CBFA2T3: variants seen among roughly 807,000 people sequenced by gnomAD.
CBFA2T3 encodes the protein transcriptional corepressor CBFA2T3.
A neutral mutation model predicts 58.6 loss-of-function variants in CBFA2T3; 31 were observed. That is an observed-to-expected ratio of 0.53 (90% CI 0.40 to 0.71). CBFA2T3 has a LOEUF of 0.71. Ranked by LOEUF, CBFA2T3 falls within the 30% of genes least tolerant of loss-of-function variation. The pLI is 0.00. For synonymous variants in CBFA2T3, 531 were observed against 421.9 expected (o/e 1.26, Z -3.17); for missense variants, 1,076 against 963.1 (o/e 1.12, Z -1.55).
At chr16:88,923,289 G>A (rs568880792) in intron 1 of CBFA2T3, among the ~76,000 whole-genome samples, 40 of 152,302 alleles carry the variant, frequency 2.6e-4, no homozygotes, top group African/African-American at 8.7e-4. Flanking sequence ...CCTCCTCATC[G>A]CACAGAGGAG....
At chr16:88,973,400 G>A (rs1380529857) in intron 1 of CBFA2T3, among the ~76,000 whole-genome samples, 1 of 152,190 alleles carries the variant, frequency 6.6e-6, no homozygotes, top group African/African-American at 2.4e-5. Flanking sequence ...GAGGAGCACG[G>A]CCATCTGACG....
chr16:88,909,667 C>G (rs1334966708), intron 1 of CBFA2T3, among the ~76,000 whole-genome samples: 1 of 152,110 alleles, frequency 6.6e-6, no homozygotes, highest in Non-Finnish European at 1.5e-5. Flanking sequence ...CTGGGAAAGG[C>G]ACAGATGTGC....
At chr16:88,905,937 C>T (rs1597706033) in intron 1 of CBFA2T3, among the ~76,000 whole-genome samples, 2 of 150,898 alleles carry the variant, frequency 1.3e-5, no homozygotes, top group African/African-American at 5.0e-5. Context: ...AGGGAGGCAC[C>T]GTGGGTCCAC....
At chr16:88,888,061 T>C (rs1969453667) in intron 5 of CBFA2T3, among the ~76,000 whole-genome samples, 1 of 152,086 alleles carries the variant, frequency 6.6e-6, no homozygotes, top group African/African-American at 2.4e-5. Flanking sequence ...CTGTGGAGCC[T>C]CTGGCCGAGA....
At chr16:88,911,498 G>T (rs941271556) in intron 1 of CBFA2T3, among the ~76,000 whole-genome samples, 4 of 152,218 alleles carry the variant, frequency 2.6e-5, no homozygotes, top group African/African-American at 7.2e-5. Context: ...CATCTCTGGC[G>T]ATCTGAAGGA....
chr16:88,951,344 CTTTG>C (rs1207025106), intron 1 of CBFA2T3: 3 of 457,352 alleles, frequency 6.6e-6, no homozygotes, highest in East Asian at 6.9e-5. Flanking sequence ...CCATCCCTCC[CTTTG>C]TTTGTTGAGT....
At position 88,917,703 on chromosome 16, in the gene CBFA2T3, T is replaced by C. The variant is rs140876656; in HGVS notation, c.152-16047A>G. ...TCTGGCGGCTCATGGTGCCCCTGCGTCAAGTCAAGAATGTTTTCCCTGAAG... is the reference window on the plus strand; with the variant it reads ...TCTGGCGGCTCATGGTGCCCCTGCGCCAAGTCAAGAATGTTTTCCCTGAAG... On this transcript the variant is annotated intron_variant, in intron 1 of 11. Transcript: ENST00000268679. Among the ~76,000 whole-genome samples the C allele has an allele frequency of 1.1e-4, 16 of 152,260 alleles. No homozygotes were observed. In the East Asian group the frequency reaches 3.1e-3, roughly 29 times the overall value.
intron 1 of CBFA2T3, among the ~76,000 whole-genome samples, chr16:88,961,365 G>A (rs1176847679): frequency 1.3e-5 from 2 of 152,074 alleles, no homozygotes; most frequent in African/African-American, 4.8e-5. Context: ...TCAGCACTGG[G>A]CATTCCCACT....
chr16:88,929,590 C>T (rs8052212), intron 1 of CBFA2T3, among the ~76,000 whole-genome samples: 2,290 of 128,174 alleles, frequency 0.018, 39 homozygotes, highest in African/African-American at 0.047. Flanking sequence ...ATCTGCATCA[C>T]CCACGCAAAA....
At chr16:88,877,918 A>C (rs572470996) in intron 11 of CBFA2T3, among the ~76,000 whole-genome samples, 195 of 152,304 alleles carry the variant, frequency 1.3e-3, no homozygotes, top group Non-Finnish European at 2.3e-3. Flanking sequence ...TGGGAAGCCC[A>C]AACCTGCCCT....
intron 1 of CBFA2T3, among the ~76,000 whole-genome samples, chr16:88,949,684 A>G (rs1971997624): frequency 6.6e-6 from 1 of 152,124 alleles, no homozygotes; most frequent in Non-Finnish European, 1.5e-5. Flanking sequence ...ATAACGCTCA[A>G]CAAACTTCAT....
chr16:88,926,172 C>T (rs545697456), intron 1 of CBFA2T3, among the ~76,000 whole-genome samples: 27 of 152,348 alleles, frequency 1.8e-4, no homozygotes, highest in Admixed American at 3.9e-4. Flanking sequence ...AGAGCAGAGC[C>T]GCAGCCGGGG....
intron 1 of CBFA2T3, chr16:88,939,478 T>G (rs1323692340): frequency 1.3e-5 from 2 of 152,334 alleles, no homozygotes; most frequent in African/African-American, 4.8e-5. Context: ...CCTCCTGCTC[T>G]GGGCGCTTCT....
intron 1 of CBFA2T3, among the ~76,000 whole-genome samples, chr16:88,908,421 T>G (rs1970410995): frequency 6.6e-6 from 1 of 151,974 alleles, no homozygotes; most frequent in African/African-American, 2.4e-5. Flanking sequence ...AGAGGCCGTT[T>G]CTTTCCCAGA....
intron 1 of CBFA2T3, among the ~76,000 whole-genome samples, chr16:88,906,900 G>A (rs1226310227): frequency 2.6e-5 from 4 of 152,204 alleles, no homozygotes; most frequent in Non-Finnish European, 4.4e-5. Context: ...CCAGCCCCAC[G>A]CTGGGACACG....
intron 1 of CBFA2T3, among the ~76,000 whole-genome samples, chr16:88,967,173 C>T (rs1251325171): frequency 8.4e-6 from 1 of 118,722 alleles, no homozygotes; most frequent in Non-Finnish European, 1.9e-5. Flanking sequence ...CCCCCCAGCC[C>T]CCGAGGTGCC....
chr16:88,884,838 G>A, intron 7 of CBFA2T3: 1 of 474,876 alleles, frequency 2.1e-6, no homozygotes, highest in East Asian at 3.5e-5. Flanking sequence ...CCACCCCGGG[G>A]GGAGAGGTGG....
intron 11 of CBFA2T3, among the ~76,000 whole-genome samples, chr16:88,878,632 C>T (rs930647929): frequency 6.6e-6 from 1 of 152,212 alleles, no homozygotes; most frequent in Non-Finnish European, 1.5e-5. Context: ...CTGGATCCTC[C>T]TGTTCTCACA....
intron 1 of CBFA2T3, among the ~76,000 whole-genome samples, 199 bp downstream of exon 1, chr16:88,976,458 C>T (rs1972863580): frequency 6.6e-6 from 1 of 152,198 alleles, no homozygotes; most frequent in African/African-American, 2.4e-5. Context: ...GCCAAACCCT[C>T]ACCAGCCCAC....
Sources: gnomAD v4.1 joint callset for allele counts (sites outside exome capture counted in the v4.1 genomes callset) on GRCh38, gnomAD v4.1.1 for gene constraint, MANE v1.5 for transcripts, NCBI Gene and HGNC (gene_info 2026-07-23, HGNC 2026-07-21) for gene names.